LOC128462377: variants seen among roughly 807,000 people sequenced by gnomAD.
chr16:89,418,162 T>C, the LOC128462377 span: 5 of 410,030 alleles, frequency 1.2e-5, no homozygotes, highest in Admixed American at 7.5e-5. Context: ...ATTCACAACA[T>C]TTCGACAAAA....
the LOC128462377 span, chr16:89,321,172 G>C: frequency 6.6e-6 from 1 of 152,424 alleles, no homozygotes; most frequent in Non-Finnish European, 1.5e-5. Flanking sequence ...GAGCACCAAA[G>C]AGCCTTCCTC....
At chr16:89,334,548 G>C in the LOC128462377 span, among the ~76,000 whole-genome samples, 1 of 152,086 alleles carries the variant, frequency 6.6e-6, no homozygotes, top group African/African-American at 2.4e-5. Context: ...CATGTGGGCA[G>C]TGGGCATGCG....
the LOC128462377 span, chr16:89,328,853 G>A: frequency 8.3e-6 from 1 of 119,954 alleles, no homozygotes; most frequent in Admixed American, 8.3e-5. Context: ...GAGCACGGGC[G>A]AAATCAGTGG....
the LOC128462377 span, among the ~76,000 whole-genome samples, chr16:89,331,869 G>A: frequency 4.0e-3 from 609 of 152,068 alleles, 1 homozygote; most frequent in Non-Finnish European, 7.1e-3. Context: ...GTGGACTCGG[G>A]TTTGGTTCCG....
the LOC128462377 span, among the ~76,000 whole-genome samples, chr16:89,336,318 G>A: frequency 7.9e-5 from 12 of 152,230 alleles, no homozygotes; most frequent in Admixed American, 2.6e-4. Flanking sequence ...GCCAGGGCAC[G>A]CAACTGCCCG....
the LOC128462377 span, among the ~76,000 whole-genome samples, chr16:89,379,592 C>T: frequency 6.6e-6 from 1 of 152,228 alleles, no homozygotes; most frequent in South Asian, 2.1e-4. Flanking sequence ...GACACTTCTG[C>T]CTCAGCCTCC....
At chr16:89,333,336 C>T in the LOC128462377 span, among the ~76,000 whole-genome samples, 4,003 of 152,306 alleles carry the variant, frequency 0.026, 43 homozygotes, top group South Asian at 0.044. Context: ...CGAGAGTGGC[C>T]GTTTGTTACA....
At chr16:89,391,896 C>T in the LOC128462377 span, among the ~76,000 whole-genome samples, 2 of 152,256 alleles carry the variant, frequency 1.3e-5, no homozygotes, top group African/African-American at 4.8e-5. Context: ...TTAGCTCCCA[C>T]AATTTAGCCT....
At chr16:89,317,140 C>CA in the LOC128462377 span, 1 of 1,087,224 alleles carries the variant, frequency 9.2e-7, no homozygotes, top group East Asian at 2.6e-5. Flanking sequence ...CATCCACTCT[C>CA]ACACCGCACT....
chr16:89,391,337 G>A, the LOC128462377 span, among the ~76,000 whole-genome samples: 4 of 152,204 alleles, frequency 2.6e-5, no homozygotes, highest in Non-Finnish European at 4.4e-5. Flanking sequence ...CTTGCGGTGG[G>A]TGCTGGAGTG....
the LOC128462377 span, among the ~76,000 whole-genome samples, chr16:89,385,106 G>A: frequency 2.0e-5 from 3 of 151,868 alleles, no homozygotes; most frequent in Admixed American, 6.6e-5. Flanking sequence ...GGCTGGTCTT[G>A]AACTCTTGAC....
At chr16:89,335,985 T>C in the LOC128462377 span, among the ~76,000 whole-genome samples, 3 of 152,312 alleles carry the variant, frequency 2.0e-5, no homozygotes, top group African/African-American at 7.2e-5. Context: ...TGTGACTCTC[T>C]CAGATGGGTC....
At chr16:89,389,367 T>G in the LOC128462377 span, among the ~76,000 whole-genome samples, 1 of 151,442 alleles carries the variant, frequency 6.6e-6, no homozygotes, top group Non-Finnish European at 1.5e-5. Flanking sequence ...AAATAAAAAG[T>G]ATATTGAAAA....
At chr16:89,358,929 G>C in the LOC128462377 span, among the ~76,000 whole-genome samples, 2 of 152,010 alleles carry the variant, frequency 1.3e-5, no homozygotes, top group African/African-American at 2.4e-5. Flanking sequence ...GGGCTCAAGT[G>C]ATCCTCCCAC....
At chr16:89,344,512 T>C in the LOC128462377 span, among the ~76,000 whole-genome samples, 1 of 152,166 alleles carries the variant, frequency 6.6e-6, no homozygotes, top group Non-Finnish European at 1.5e-5. Context: ...GAGGATAAAA[T>C]AATCCCATCT....
chr16:89,342,996 C>A, the LOC128462377 span, among the ~76,000 whole-genome samples: 5 of 152,154 alleles, frequency 3.3e-5, no homozygotes, highest in South Asian at 2.1e-4. Context: ...ACTATGTACT[C>A]ATGTCTGTTT....
the LOC128462377 span, among the ~76,000 whole-genome samples, chr16:89,347,166 G>A: frequency 6.6e-6 from 1 of 152,186 alleles, no homozygotes; most frequent in South Asian, 2.1e-4. Context: ...TTGCTGAAAT[G>A]GAAATGTGAA....
chr16:89,319,202 G>A, the LOC128462377 span, among the ~76,000 whole-genome samples: 4 of 152,228 alleles, frequency 2.6e-5, no homozygotes, highest in African/African-American at 9.6e-5. Flanking sequence ...AACAGCTCTG[G>A]CGTGGTCAGG....
At chr16:89,324,335 G>C in the LOC128462377 span, 1 of 1,194,102 alleles carries the variant, frequency 8.4e-7, no homozygotes, top group Non-Finnish European at 1.1e-6. Context: ...GGGGCGACGT[G>C]GGTGCCTCAC....
Sources: gnomAD v4.1 joint callset for allele counts (sites outside exome capture counted in the v4.1 genomes callset) on GRCh38, gnomAD v4.1.1 for gene constraint, MANE v1.5 for transcripts.